The following AUTS2 variants were observed in gnomAD, a reference collection of about 807,000 sequenced individuals.
The protein encoded by AUTS2 is activator of transcription and developmental regulator AUTS2.
A neutral mutation model predicts 112.4 loss-of-function variants in AUTS2; 17 were observed. That is an observed-to-expected ratio of 0.15 (90% CI 0.10 to 0.23). The LOEUF (loss-of-function observed/expected upper bound fraction) is 0.23, where lower values mean the gene tolerates loss of function less well. AUTS2 is among the 10% of genes least tolerant of loss of function. The pLI is 1.00. For synonymous variants in AUTS2, 751 were observed against 702.7 expected, an observed-to-expected ratio of 1.07 and a Z score of -1.09; for missense variants, 1,510 against 1,701.6, an observed-to-expected ratio of 0.89 and a Z score of 1.98.
At chr7:69,951,196 G>C (rs769901105) in intron 2 of AUTS2, among the ~76,000 whole-genome samples, 1 of 152,246 alleles carries the variant, frequency 6.6e-6, no homozygotes, top group Middle Eastern at 3.4e-3. Flanking sequence ...TTTGTCAACA[G>C]AACTTCTTTA....
intron 1 of AUTS2, among the ~76,000 whole-genome samples, chr7:69,734,927 T>A (rs992778294): frequency 3.3e-5 from 5 of 152,184 alleles, no homozygotes; most frequent in African/African-American, 1.2e-4. Context: ...ATGGGACATG[T>A]ATTAAAAAAC....
At chr7:69,689,087 G>C (rs1218166313) in intron 1 of AUTS2, among the ~76,000 whole-genome samples, 1 of 152,130 alleles carries the variant, frequency 6.6e-6, no homozygotes, top group Non-Finnish European at 1.5e-5. Context: ...AATGAAAAGG[G>C]CATTGTGGAT....
intron 5 of AUTS2, among the ~76,000 whole-genome samples, chr7:70,629,395 C>T (rs1192071184): frequency 1.3e-5 from 2 of 151,954 alleles, no homozygotes; most frequent in Non-Finnish European, 2.9e-5. Context: ...TCTGCTGAAC[C>T]GGGGAGGCCA....
rs907846454 is a variant in AUTS2, at chr7:70,355,029, G to GGTGTGTGTGTATGTATGT, written c.661-80705_661-80688dup. Among the ~76,000 whole-genome samples, 5 of 135,910 alleles carry GGTGTGTGTGTATGTATGT rather than the reference G, an allele frequency of 3.7e-5. No homozygotes were observed. In the South Asian group the frequency reaches 1.2e-3, roughly 33 times the overall value. 89.2% of individuals were successfully genotyped at this position (135,910 alleles called of 152,430 possible). A position where few individuals can be genotyped will look rare whatever the true frequency, so the allele number is the denominator to read the frequency against. ...GTGTGTATGTATGTGTGTGTGTATGGGTGTGTGTGTATGTATGTGTGTGTG... is the reference window on the plus strand; with the variant it reads ...GTGTGTATGTATGTGTGTGTGTATGGGTGTGTGTGTATGTATGTGTGTGTGTGTATGTATGTGTGTGTG... On this transcript the variant is annotated intron_variant, in intron 4 of 18. Transcript: ENST00000342771.
intron 2 of AUTS2, among the ~76,000 whole-genome samples, chr7:69,997,841 C>G (rs561853089): frequency 1.4e-4 from 21 of 152,270 alleles, no homozygotes; most frequent in Non-Finnish European, 2.6e-4. Context: ...ACAAAACATC[C>G]AAATCGTATT....
In AUTS2 at chr7:69,785,378, A is replaced by G. The variant is rs56893469; in HGVS notation, c.310-113908A>G. On this transcript the variant is annotated intron_variant, in intron 1 of 18. Coordinates refer to ENST00000342771, the MANE Select transcript of AUTS2 (RefSeq NM_015570.4). ...GTTGTAAGGGTCTGCTTTTTACAAA[A>G]TTGCTATAAAATTGTTCTGTGTGAT... Among the ~76,000 whole-genome samples, 105 of 152,344 alleles carry G rather than the reference A, an allele frequency of 6.9e-4. 4 individuals carry two copies. The East Asian group carries it at 0.017, about 24-fold the overall frequency.
At chr7:70,137,612 A>G (rs1806638531) in intron 4 of AUTS2, among the ~76,000 whole-genome samples, 1 of 152,190 alleles carries the variant, frequency 6.6e-6, no homozygotes, top group Admixed American at 6.5e-5. Flanking sequence ...TGATCTTTTA[A>G]GACTACCTGT....
intron 2 of AUTS2, among the ~76,000 whole-genome samples, chr7:69,914,970 G>A (rs889999679): frequency 1.3e-5 from 2 of 151,980 alleles, no homozygotes; most frequent in African/African-American, 4.8e-5. Flanking sequence ...ACTGAACATC[G>A]TTTGTGTGCA....
At chr7:70,445,350 G>T (rs1472994326) in intron 5 of AUTS2, among the ~76,000 whole-genome samples, 1 of 152,164 alleles carries the variant, frequency 6.6e-6, no homozygotes, top group Non-Finnish European at 1.5e-5. Flanking sequence ...CCATTCAGGA[G>T]CTCATGCTGT....
intron 5 of AUTS2, among the ~76,000 whole-genome samples, chr7:70,610,029 T>C (rs1804004201): frequency 6.6e-6 from 1 of 152,070 alleles, no homozygotes; most frequent in South Asian, 2.1e-4. Context: ...ACTCTGTCGC[T>C]TACTTAAGTT....
chr7:70,072,956 C>G (rs1252015288), intron 2 of AUTS2, among the ~76,000 whole-genome samples: 1 of 151,722 alleles, frequency 6.6e-6, no homozygotes, highest in African/African-American at 2.4e-5. Context: ...CAGATATAAG[C>G]AAAGATCATA....
chr7:69,890,931 T>C (rs1305377137), intron 1 of AUTS2, among the ~76,000 whole-genome samples: 1 of 152,266 alleles, frequency 6.6e-6, no homozygotes. Context: ...GGGATAATTA[T>C]ATGCCAGTTG....
intron 2 of AUTS2, among the ~76,000 whole-genome samples, chr7:70,069,993 A>G (rs1802679714): frequency 6.6e-6 from 1 of 152,206 alleles, no homozygotes; most frequent in African/African-American, 2.4e-5. Flanking sequence ...GACCAAGAAT[A>G]TAAATCATAA....
chr7:70,232,690 C>T (rs1371293740), intron 4 of AUTS2, among the ~76,000 whole-genome samples: 2 of 152,138 alleles, frequency 1.3e-5, no homozygotes, highest in Non-Finnish European at 2.9e-5. Flanking sequence ...TGGGGTCTTG[C>T]TTTTTTAAAC....
intron 5 of AUTS2, among the ~76,000 whole-genome samples, chr7:70,518,338 G>C (rs764938127): frequency 6.6e-6 from 1 of 152,212 alleles, no homozygotes; most frequent in Non-Finnish European, 1.5e-5. Flanking sequence ...TCATGATCCT[G>C]CTAAATCATG....
intron 1 of AUTS2, among the ~76,000 whole-genome samples, chr7:69,766,766 G>C (rs1486989383): frequency 6.6e-6 from 1 of 152,234 alleles, no homozygotes; most frequent in African/African-American, 2.4e-5. Context: ...GGCCTAACCA[G>C]TGGTGTTGAA....
At chr7:69,938,810 G>C (rs184673694) in intron 2 of AUTS2, among the ~76,000 whole-genome samples, 2 of 152,182 alleles carry the variant, frequency 1.3e-5, no homozygotes, top group Non-Finnish European at 2.9e-5. Context: ...AGGTGGTTGA[G>C]TAGGTGAGTA....
chr7:70,297,150 T>G (rs1788980077), intron 4 of AUTS2, among the ~76,000 whole-genome samples: 1 of 151,818 alleles, frequency 6.6e-6, no homozygotes, highest in Non-Finnish European at 1.5e-5. Context: ...ATGCTAGGCC[T>G]CCCAGGGTAT....
At chr7:70,021,567 A>G (rs1800276702) in intron 2 of AUTS2, among the ~76,000 whole-genome samples, 1 of 152,102 alleles carries the variant, frequency 6.6e-6, no homozygotes. Flanking sequence ...ACAGCAGCAC[A>G]CCCTTCACAT....
Sources: allele counts gnomAD v4.1 joint callset (sites outside exome capture counted in the v4.1 genomes callset), GRCh38; gene constraint gnomAD v4.1.1; transcripts MANE v1.5; gene names NCBI Gene and HGNC (gene_info 2026-07-23, HGNC 2026-07-21).